Variants in SMPD3 observed in about 807,000 individuals in gnomAD.
The protein encoded by SMPD3 is sphingomyelin phosphodiesterase 3, also known as nSMase-2.
A neutral mutation model predicts 55.7 loss-of-function variants in SMPD3; 21 were observed. The observed-to-expected ratio is 0.38, with a 90% CI of 0.27 to 0.54. The LOEUF (loss-of-function observed/expected upper bound fraction) is 0.54. Ranked by LOEUF, SMPD3 falls within the 20% of genes least tolerant of loss-of-function variation. The probability of loss-of-function intolerance (pLI) is 0.80; values close to 1 mark genes in which losing one functional copy is unlikely to be tolerated. For missense variants in SMPD3, 842 were observed against 899.6 expected, an observed-to-expected ratio of 0.94 and a Z score of 0.82; for synonymous variants, 457 against 404.3, an observed-to-expected ratio of 1.13 and a Z score of -1.56.
At position 68,447,235 on chromosome 16, in the gene SMPD3, C is replaced by T. The variant is rs963935975; in HGVS notation, c.-269+1118G>A. Among the ~76,000 whole-genome samples, 1 of 152,202 alleles carries T rather than the reference C, an allele frequency of 6.6e-6. No individual in the cohort carries two copies. Among genetic ancestry groups the T allele is most frequent in the African/African-American group, 2.4e-5 (1 of 41,458 alleles). The stretch of plus-strand genomic sequence containing the variant: ...CGCGTCCTGGAAGCAGGTCCCCGAG[C>T]CTCGGTTTGGGGTGCGCCCTGCATC... On this transcript the variant is annotated intron_variant, in intron 1 of 8. Coordinates refer to ENST00000219334, the MANE Select transcript of SMPD3 (RefSeq NM_018667.4). This position sits in a 1 kb window ranked among gnomAD's most constrained non-coding sequence, Gnocchi z 5.1.
intron 1 of SMPD3, among the ~76,000 whole-genome samples, chr16:68,431,187 A>G (rs1319617976): frequency 6.6e-6 from 1 of 152,162 alleles, no homozygotes; most frequent in Non-Finnish European, 1.5e-5. Flanking sequence ...GTCTCACATA[A>G]TAAAGGGGGC....
chr16:68,428,315 T>A (rs2090452942), intron 1 of SMPD3, among the ~76,000 whole-genome samples: 1 of 152,180 alleles, frequency 6.6e-6, no homozygotes, highest in Non-Finnish European at 1.5e-5. Context: ...GACAAATCCT[T>A]GACTAGTGTG....
intron 6 of SMPD3, 61 bp downstream of exon 6, chr16:68,363,707 GTCCTGGTGA>G: frequency 6.7e-7 from 1 of 1,483,352 alleles, no homozygotes. Context: ...TGTGGGGTAG[GTCCTGGTGA>G]TCTTTGAGGG....
chr16:68,378,877 A>C (rs770718405), intron 2 of SMPD3, among the ~76,000 whole-genome samples: 4 of 152,228 alleles, frequency 2.6e-5, no homozygotes, highest in African/African-American at 9.6e-5. Flanking sequence ...AATGAATCCA[A>C]TTCAGAGGAA....
rs549273411 is a variant in SMPD3 at position 68,404,183 on chromosome 16, AT to A, written c.-268-17525del. On this transcript the variant is annotated intron_variant, in intron 1 of 8. Coordinates refer to ENST00000219334, the MANE Select transcript of SMPD3 (RefSeq NM_018667.4). This position sits in a 1 kb window ranked among gnomAD's most constrained non-coding sequence, Gnocchi z 4.0. Reference sequence around the variant, plus strand: ...CAGTGCACACCACCACGCCCAGCTAATTTTTTTTTTTTTTTTTTGAGATGGA... The same window carrying A: ...CAGTGCACACCACCACGCCCAGCTAATTTTTTTTTTTTTTTTTGAGATGGA... 0.015 allele frequency among the ~76,000 whole-genome samples: 2,060 copies of A among 134,944 alleles called. 31 individuals are homozygous for A. Among genetic ancestry groups the A allele is most frequent in the African/African-American group, 0.042 (1,539 of 36,642 alleles). 88.5% of individuals were successfully genotyped at this position (134,944 alleles called of 152,430 possible).
At chr16:68,440,174 T>A (rs16957956) in intron 1 of SMPD3, among the ~76,000 whole-genome samples, 3,214 of 152,290 alleles carry the variant, frequency 0.021, 117 homozygotes, top group African/African-American at 0.073. Context: ...GCACTGAAGA[T>A]TCTGAACAGC....
chr16:68,385,375 C>T (rs1013489531), intron 2 of SMPD3, among the ~76,000 whole-genome samples: 1 of 152,172 alleles, frequency 6.6e-6, no homozygotes, highest in Non-Finnish European at 1.5e-5. Flanking sequence ...GTAACATTCC[C>T]TACACTGTCC....
intron 2 of SMPD3, among the ~76,000 whole-genome samples, chr16:68,372,970 A>G (rs967597068): frequency 6.6e-6 from 1 of 152,208 alleles, no homozygotes; most frequent in African/African-American, 2.4e-5. Flanking sequence ...CCCTCCATGC[A>G]CAACCGGGCT....
chr16:68,439,515 T>G (rs987522170), intron 1 of SMPD3, among the ~76,000 whole-genome samples: 22 of 152,214 alleles, frequency 1.4e-4, no homozygotes, highest in African/African-American at 4.8e-4. Flanking sequence ...GTCAGGGGCC[T>G]CCCAACAGAA....
chr16:68,396,015 C>A (rs1453726612), intron 1 of SMPD3, among the ~76,000 whole-genome samples: 1 of 152,106 alleles, frequency 6.6e-6, no homozygotes, highest in Non-Finnish European at 1.5e-5. Flanking sequence ...CTTCCAGCCT[C>A]AGCGGGTGTA....
At chr16:68,361,479 T>C in intron 8 of SMPD3, 124 bp downstream of exon 8, 1 of 1,440,484 alleles carries the variant, frequency 6.9e-7, no homozygotes, top group Non-Finnish European at 9.5e-7. Flanking sequence ...TCTGAGGGAG[T>C]GATGGGTATC....
intron 1 of SMPD3, among the ~76,000 whole-genome samples, chr16:68,390,167 G>A (rs1272575860): frequency 5.9e-5 from 9 of 152,208 alleles, no homozygotes; most frequent in East Asian, 1.9e-4. Flanking sequence ...AAACTGTCAC[G>A]GCGCTGGTGG....
intron 1 of SMPD3, among the ~76,000 whole-genome samples, chr16:68,435,976 C>T (rs760134091): frequency 3.3e-5 from 5 of 152,214 alleles, no homozygotes; most frequent in Non-Finnish European, 7.3e-5. Context: ...TAATCCTCTG[C>T]GATCCCTTGG....
chr16:68,420,088 A>G (rs1714008449), intron 1 of SMPD3, among the ~76,000 whole-genome samples: 1 of 151,064 alleles, frequency 6.6e-6, no homozygotes, highest in Admixed American at 6.6e-5. Flanking sequence ...GGCTCAAGCA[A>G]TCCTCCCACC....
At chr16:68,433,709 G>A (rs1353177174) in intron 1 of SMPD3, among the ~76,000 whole-genome samples, 2 of 152,214 alleles carry the variant, frequency 1.3e-5, no homozygotes, top group African/African-American at 2.4e-5. Flanking sequence ...AGGAGGACCT[G>A]GACGAGCGAA....
chr16:68,365,110 C>T lies in SMPD3; in HGVS notation c.1324-18G>A, dbSNP rs1298161369. The T allele has an allele frequency of 6.2e-7, 1 of 1,613,392 alleles. No individual in the cohort carries two copies. The highest frequency in any genetic ancestry group is 8.5e-7 in the Non-Finnish European group (1 of 1,179,714). ...ACCTGCACCTGGGGGAGGAGGGGGT[C>T]AGTGCTGCCACCTGCCAGTCACTGT... On this transcript the variant is annotated intron_variant, in intron 3 of 8. Coordinates refer to ENST00000219334, the MANE Select transcript of SMPD3 (RefSeq NM_018667.4).
intron 2 of SMPD3, among the ~76,000 whole-genome samples, chr16:68,374,179 G>T (rs2089748652): frequency 1.3e-5 from 2 of 152,236 alleles, no homozygotes; most frequent in African/African-American, 4.8e-5. Flanking sequence ...ATGAGGGGAG[G>T]TTCACCTGGA....
chr16:68,412,822 G>A (rs2090312269), intron 1 of SMPD3, among the ~76,000 whole-genome samples: 1 of 152,238 alleles, frequency 6.6e-6, no homozygotes, highest in Non-Finnish European at 1.5e-5. Context: ...TGCTTAGGAA[G>A]GCAGGGTAGT....
chr16:68,362,753 A>G (rs1182034306), intron 7 of SMPD3, among the ~76,000 whole-genome samples: 2 of 152,244 alleles, frequency 1.3e-5, no homozygotes, highest in Non-Finnish European at 2.9e-5. Flanking sequence ...AATGGAATCC[A>G]TCACTGTCCT....
Sources: allele counts gnomAD v4.1 joint callset (sites outside exome capture counted in the v4.1 genomes callset), GRCh38; gene constraint gnomAD v4.1.1; non-coding constraint Gnocchi (gnomAD v3.1); transcripts MANE v1.5; gene names NCBI Gene and HGNC (gene_info 2026-07-23, HGNC 2026-07-21).